The following FUT7 variants were observed in gnomAD, a reference collection of about 807,000 sequenced individuals.
The protein encoded by FUT7 is alpha-(1,3)-fucosyltransferase 7.
A neutral mutation model predicts 5.0 loss-of-function variants in FUT7; 2 were observed. The observed-to-expected ratio is 0.40, with a 90% CI of 0.16 to 1.26. FUT7 has a LOEUF of 1.26. Ranked by LOEUF, FUT7 falls within the 50% of genes most tolerant of loss-of-function variation. The probability of loss-of-function intolerance (pLI) is 0.32; values close to 1 mark genes in which losing one functional copy is unlikely to be tolerated. For missense variants in FUT7, 461 were observed against 489.8 expected (o/e 0.94, Z 0.55); for synonymous variants, 218 against 210.6 (o/e 1.03, Z -0.30).
chr9:137,031,405 G>A lies in FUT7; in HGVS notation c.334C>T (p.Arg112Ter), dbSNP rs755873442. Reference sequence around the variant, plus strand: ...GAGGCCCACACCCAGGGCTGCCCTCGCGGCCGCTGGGCCAGGGGCAGGTGG... The same window carrying A: ...GAGGCCCACACCCAGGGCTGCCCTCACGGCCGCTGGGCCAGGGGCAGGTGG... The part of the protein sequence containing the change: ...RSHLPLAQRP[R>*]GQPWVWASME... The change falls in exon 2 of 2, where the codon CGA (arginine) becomes TGA (stop). Residue 112 changes from arginine (R) to a stop codon, truncating the protein, a stop_gained. Coordinates refer to ENST00000314412, the MANE Select transcript of FUT7 (RefSeq NM_004479.4). LOFTEE classifies it low-confidence loss of function (END_TRUNC). The A allele has an allele frequency of 3.8e-6, 6 of 1,563,434 alleles. No homozygotes were observed. In the Admixed American group the frequency reaches 7.6e-5, roughly 20 times the overall value.
In FUT7 at chr9:137,031,085, G is replaced by A. The variant is rs185475194; in HGVS notation, c.654C>T (p.Thr218=). The change falls in exon 2 of 2, where the codon ACC becomes ACT. Residue 218 remains threonine, a synonymous_variant. Transcript: ENST00000314412. ...ACAGGTAGAAGCGGTACTGGGCCAC[G>A]GTGGGCACCAGGCAGCTGGCGCACA... ...RPLCASCLVP[T]VAQYRFYLSF... The A allele has an allele frequency of 3.0e-5, 48 of 1,612,764 alleles. No homozygotes were observed. In the Admixed American group the frequency reaches 5.7e-4, roughly 19 times the overall value.
intron 1 of FUT7, 81 bp downstream of exon 1, chr9:137,031,898 C>T: frequency 6.5e-7 from 1 of 1,539,566 alleles, no homozygotes; most frequent in Non-Finnish European, 9.0e-7. Flanking sequence ...CGACATGCCC[C>T]ACTCAGCGCC....
intron 1 of FUT7, 58 bp from the exon 2 acceptor site, chr9:137,031,783 C>T: frequency 6.5e-7 from 1 of 1,530,796 alleles, no homozygotes; most frequent in Non-Finnish European, 8.8e-7. Flanking sequence ...CATCCACACG[C>T]CCCACTCAGC....
intron 1 of FUT7, 118 bp downstream of exon 1, chr9:137,031,861 C>A: frequency 6.8e-7 from 1 of 1,463,876 alleles, no homozygotes. Context: ...CCACCCCCGT[C>A]CTCCCCTCCC....
rs536607763 is a variant in FUT7 at position 137,031,721 on chromosome 9, G to A, written c.18C>T (p.His6=). 1.7e-5 allele frequency: 26 copies of A among 1,544,236 alleles called. No individual in the cohort carries two copies. The highest frequency in any genetic ancestry group is 4.5e-4 in the Middle Eastern group (2 of 4,456). ...AGCCTCGCAGCCTCCGGGTGGGGCC[G>A]TGCCCTGCAGCAGCACGAGGGAGGG... MNNAG[H]GPTRRLRGLG... is the part of the protein sequence containing the mutation. The change falls in exon 2 of 2, where the codon CAC becomes CAT. Residue 6 remains histidine (H), a synonymous_variant. Coordinates refer to ENST00000314412, the MANE Select transcript of FUT7 (RefSeq NM_004479.4).
chr9:137,031,814 C>A, intron 1 of FUT7, 89 bp from the exon 2 acceptor site: 1 of 1,502,908 alleles, frequency 6.7e-7, no homozygotes, highest in South Asian at 1.2e-5. Flanking sequence ...TCCTCCCCTC[C>A]CATGGGCTCA....
chr9:137,030,524 A>C lies in FUT7; in HGVS notation c.*186T>G, dbSNP rs1241777333. On this transcript the variant is annotated 3_prime_UTR_variant, in exon 2 of 2. Transcript: ENST00000314412. ...CCGTCTGCCGCAGCAGGCACCCGTT[A>C]CCTCCCTCCCACTCTCACCTCCTCT... The C allele has an allele frequency of 3.2e-5, 21 of 663,710 alleles. No individual in the cohort carries two copies. The highest frequency in any genetic ancestry group is 5.5e-5 in the Non-Finnish European group (21 of 384,084). The allele number at this position is 663,710 out of a possible 1,614,324, so 41.1% of individuals were successfully genotyped here. A position where few individuals can be genotyped will look rare whatever the true frequency, so the allele number is the denominator to read the frequency against.
chr9:137,030,798 C>A lies in FUT7; in HGVS notation c.941G>T (p.Arg314Leu). ...RLRVRLFTDW[R>L]ERFCAICDRY... ...GTCACAGATGGCACAGAAACGTTCC[C>A]GCCAGTCGGTGAACAGTCGCACGCG... Residue 314 changes from arginine to leucine, a missense_variant, in exon 2 of 2, where the codon CGG becomes CTG. Transcript: ENST00000314412. The A allele has an allele frequency of 6.2e-7, 1 of 1,612,820 alleles. No individual in the cohort carries two copies. The highest frequency in any genetic ancestry group is 8.5e-7 in the Non-Finnish European group (1 of 1,179,962).
In FUT7 at chr9:137,031,122, T is replaced by C. The variant is rs1338111665; in HGVS notation, c.617A>G (p.Asn206Ser). 1.2e-6 allele frequency: 2 copies of C among 1,612,514 alleles called. No individual in the cohort carries two copies. The highest frequency in any genetic ancestry group is 1.1e-5 in the South Asian group (1 of 91,088). Residue 206 changes from asparagine to serine, a missense_variant, in exon 2 of 2, where the codon AAT becomes AGT. Physicochemically the swap from Asn to Ser is conservative, Grantham distance 46. Transcript: ENST00000314412. ...GCAGCTGGCGCACAGTGGCCGTCCA[T>C]TGGCACGGCCAAAGACATCCACCCG... ...HLRVDVFGRANGRPLCASCLV... is the reference protein window; with the variant it reads ...HLRVDVFGRASGRPLCASCLV...
At chr9:137,031,781 C>G in intron 1 of FUT7, 56 bp from the exon 2 acceptor site, 2 of 1,529,294 alleles carry the variant, frequency 1.3e-6, no homozygotes, top group Non-Finnish European at 1.8e-6. Flanking sequence ...GACATCCACA[C>G]GCCCCACTCA....
chr9:137,031,317 A>G lies in FUT7; in HGVS notation c.422T>C (p.Leu141Pro). ...SHLRGIFNWVLSYRRDSDIFV... is the reference protein window; with the variant it reads ...SHLRGIFNWVPSYRRDSDIFV... ...GATGTCCGAGTCGCGCCGGTAGCTC[A>G]GCACCCAGTTGAAGATGCCTCGGAG... The change falls in exon 2 of 2, where the codon CTG becomes CCG. Residue 141 changes from leucine to proline, a missense_variant. Leu to Pro is a moderately conservative substitution (Grantham distance 98, BLOSUM62 -3). Coordinates refer to ENST00000314412, the MANE Select transcript of FUT7 (RefSeq NM_004479.4). 6.2e-7 allele frequency: 1 copy of G among 1,605,492 alleles called. No homozygotes were observed. The highest frequency in any genetic ancestry group is 8.5e-7 in the Non-Finnish European group (1 of 1,176,946).
Position 137,031,972 on chromosome 9 carries a change from C to T in FUT7, c.13+7G>A. On this transcript the variant is annotated splice_region_variant and intron_variant, in intron 1 of 1. Transcript: ENST00000314412. ...AGCTTGGGCCTCCCCGAGGGCCAGA[C>T]ACTCACCAGCATTATTCATCCACAG... The T allele has an allele frequency of 1.9e-6, 3 of 1,612,786 alleles. No homozygotes were observed. Among genetic ancestry groups the T allele is most frequent in the Non-Finnish European group, 2.5e-6 (3 of 1,179,880 alleles).
At position 137,031,624 on chromosome 9, in the gene FUT7, C is replaced by A; in HGVS notation, c.115G>T (p.Gly39Cys). 1 of 1,558,356 alleles carries A rather than the reference C, an allele frequency of 6.4e-7. No homozygotes were observed. Among genetic ancestry groups the A allele is most frequent in the Non-Finnish European group, 8.7e-7 (1 of 1,152,758 alleles). ...LLWLLGSAPR[G>C]TPAPQPTITI... Reference sequence around the variant, plus strand: ...ATCGTGGGCTGGGGTGCCGGGGTACCCCGAGGGGCTGACCCCAGCAGCCAC... The same window carrying A: ...ATCGTGGGCTGGGGTGCCGGGGTACACCGAGGGGCTGACCCCAGCAGCCAC... The change falls in exon 2 of 2, where the codon GGT becomes TGT. Residue 39 changes from glycine (G) to cysteine (C), a missense_variant. Physicochemically the swap from Gly to Cys is radical, Grantham distance 159. Transcript: ENST00000314412.
Position 137,031,411 on chromosome 9 carries a change from G to C in FUT7, c.328C>G (p.Arg110Gly), listed in dbSNP as rs1248104354. 6.4e-7 allele frequency: 1 copy of C among 1,561,368 alleles called. No individual in the cohort carries two copies. The highest frequency in any genetic ancestry group is 1.9e-5 in the Admixed American group (1 of 52,226). ...CACACCCAGGGCTGCCCTCGCGGCC[G>C]CTGGGCCAGGGGCAGGTGGGACCGC... The part of the protein sequence containing the change: ...TRRSHLPLAQ[R>G]PRGQPWVWAS... The change falls in exon 2 of 2, where the codon CGG (arginine) becomes GGG (glycine). Residue 110 changes from arginine to glycine, a missense_variant. Physicochemically the swap from Arg to Gly is moderately radical, Grantham distance 125 (BLOSUM62 -2). Transcript: ENST00000314412.
chr9:137,030,960 G>A lies in FUT7; in HGVS notation c.779C>T (p.Ala260Val). The change falls in exon 2 of 2, where the codon GCC becomes GTC. Residue 260 changes from alanine to valine, a missense_variant. Physicochemically the swap from Ala to Val is moderately conservative, Grantham distance 64. Transcript: ENST00000314412. ...AGCCGGCACGAAGGCCTCATAGGTG[G>A]CCCGTGGGGGCCCCAGCACCACTGG... is the stretch of plus-strand genomic sequence containing the variant. ...TVPVVLGPPR[A>V]TYEAFVPADA... is the part of the protein sequence containing the mutation. 5 of 1,612,844 alleles carry A rather than the reference G, an allele frequency of 3.1e-6. No homozygotes were observed.
In FUT7 at chr9:137,031,008, T is replaced by G; in HGVS notation, c.731A>C (p.Asn244Thr). The change falls in exon 2 of 2, where the codon AAC becomes ACC. Residue 244 changes from asparagine (N) to threonine (T), a missense_variant. Asn to Thr is a moderately conservative substitution (Grantham distance 65). Transcript: ENST00000314412. ...TGGCACAGTGCCAGCCACCAGTGCG[T>G]TGCGCCAGAATTTCTCCGTAATGTA... ...RDYITEKFWR[N>T]ALVAGTVPVV... 1 of 1,612,896 alleles carries G rather than the reference T, an allele frequency of 6.2e-7. No homozygotes were observed. The highest frequency in any genetic ancestry group is 8.5e-7 in the Non-Finnish European group (1 of 1,180,028).
Position 137,031,483 on chromosome 9 carries a change from C to T in FUT7, c.256G>A (p.Ala86Thr). 1 of 1,553,684 alleles carries T rather than the reference C, an allele frequency of 6.4e-7. No homozygotes were observed. The highest frequency in any genetic ancestry group is 2.4e-5 in the East Asian group (1 of 41,526). Reference sequence around the variant, plus strand: ...TGGAAGACCACGGCGTCGGCGCTGGCCAGCAGGCTTCGGTTGGCACTCAGG... The same window carrying T: ...TGGAAGACCACGGCGTCGGCGCTGGTCAGCAGGCTTCGGTTGGCACTCAGG... ...CHLSANRSLLASADAVVFHHR... is the reference protein window; with the variant it reads ...CHLSANRSLLTSADAVVFHHR... The change falls in exon 2 of 2, where the codon GCC becomes ACC. Residue 86 changes from alanine (A) to threonine (T), a missense_variant. Ala to Thr is a moderately conservative substitution (Grantham distance 58). Transcript: ENST00000314412.
chr9:137,031,782 G>A (rs774089927), intron 1 of FUT7, 57 bp from the exon 2 acceptor site: 25 of 1,529,858 alleles, frequency 1.6e-5, no homozygotes, highest in South Asian at 6.0e-5. Flanking sequence ...ACATCCACAC[G>A]CCCCACTCAG....
intron 1 of FUT7, 40 bp from the exon 2 acceptor site, chr9:137,031,765 C>A (rs764000516): frequency 1.2e-4 from 179 of 1,537,954 alleles, no homozygotes; most frequent in Non-Finnish European, 1.4e-4. Context: ...GTCACTTGGG[C>A]TCAGGGACAT....
Sources: allele counts gnomAD v4.1 joint callset, GRCh38; gene constraint gnomAD v4.1.1; transcripts MANE v1.5; gene names NCBI Gene and HGNC (gene_info 2026-07-23, HGNC 2026-07-21).